Variants in DPP9 observed in about 807,000 individuals in gnomAD.
The protein encoded by DPP9 is dipeptidyl peptidase 9.
In DPP9, 50 loss-of-function variants were observed where a neutral mutation model predicts 110.7. The ratio of observed to expected loss-of-function variants is 0.45; its 90% CI spans 0.36 to 0.57. The LOEUF (loss-of-function observed/expected upper bound fraction) is 0.57. Among genes scored for constraint, DPP9 ranks in the 20% least tolerant of loss-of-function variants. The probability of loss-of-function intolerance (pLI) is 0.00; values close to 1 mark genes in which losing one functional copy is unlikely to be tolerated. For synonymous variants in DPP9, 561 were observed against 514.4 expected (o/e 1.09, Z -1.23); for missense variants, 1,022 against 1,217.9 (o/e 0.84, Z 2.39).
rs1227913063 is a variant in DPP9, at chr19:4,695,228, C to T, written c.1353+150G>A. 1.8e-5 allele frequency: 15 copies of T among 823,824 alleles called. No individual in the cohort carries two copies. Among genetic ancestry groups the T allele is most frequent in the Admixed American group, 6.4e-5 (2 of 31,338 alleles). 51.0% of individuals were successfully genotyped at this position (823,824 alleles called of 1,614,324 possible). A position where few individuals can be genotyped will look rare whatever the true frequency, so the allele number is the denominator to read the frequency against. On this transcript the variant is annotated intron_variant, in intron 12 of 21. Coordinates refer to ENST00000262960, the MANE Select transcript of DPP9 (RefSeq NM_139159.5). The surrounding 1 kb of genome is among the most constrained non-coding windows in gnomAD (Gnocchi z 4.7). ...CAACCCCCCTAGACCCTCTTCCCTG[C>T]CAGCCAGGGATGGCCAAGGCCTGAG... is the stretch of plus-strand genomic sequence containing the variant.
At chr19:4,716,906 G>A (rs1462242583) in intron 3 of DPP9, among the ~76,000 whole-genome samples, 7 of 152,160 alleles carry the variant, frequency 4.6e-5, no homozygotes, top group Non-Finnish European at 7.4e-5. Flanking sequence ...AGAACTGCCC[G>A]TGCCGTGCTC....
Position 4,714,067 on chromosome 19 carries a change from A to G in DPP9, c.313+14T>C. 3 of 1,601,750 alleles carry G rather than the reference A, an allele frequency of 1.9e-6. No individual in the cohort carries two copies. The highest frequency in any genetic ancestry group is 2.6e-6 in the Non-Finnish European group (3 of 1,173,060). ...TGCTGTCCCCGCCCAAGCAGCCTGC[A>G]GGGCCCGGCTTACCCAGGTAGTAGA... On this transcript the variant is annotated intron_variant, in intron 4 of 21. Transcript: ENST00000262960.
chr19:4,679,092 G>A (rs1159588741), intron 21 of DPP9, among the ~76,000 whole-genome samples: 3 of 120,110 alleles, frequency 2.5e-5, no homozygotes, highest in Non-Finnish European at 5.1e-5. Context: ...TACAGCAGAA[G>A]CCCCACCCTC....
intron 1 of DPP9, 52 bp from the exon 2 acceptor site, chr19:4,722,603 C>A (rs1227632433): frequency 2.9e-6 from 2 of 701,426 alleles, no homozygotes; most frequent in African/African-American, 3.5e-5. Context: ...AAGCACCGGC[C>A]AGCCGTTCAG....
rs538014483 is a variant in DPP9, at chr19:4,710,563, G to C, written c.313+3518C>G. 1.1e-4 allele frequency among the ~76,000 whole-genome samples: 17 copies of C among 152,354 alleles called. No homozygotes were observed. Among genetic ancestry groups the C allele is most frequent in the Non-Finnish European group, 2.2e-4 (15 of 68,040 alleles). ...GGCTTTATCATGTGGATCTGAAAGA[G>C]CCTTTCCGGAGGGGCCCAGTGATTA... On this transcript the variant is annotated intron_variant, in intron 4 of 21. Coordinates refer to ENST00000262960, the MANE Select transcript of DPP9 (RefSeq NM_139159.5). This position sits in a 1 kb window ranked among gnomAD's most constrained non-coding sequence, Gnocchi z 5.6.
rs1599899041 is a variant in DPP9, at chr19:4,695,032, T to C, written c.1354-209A>G. 1 of 613,352 alleles carries C rather than the reference T, an allele frequency of 1.6e-6. No homozygotes were observed. Among genetic ancestry groups the C allele is most frequent in the African/African-American group, 1.8e-5 (1 of 54,144 alleles). The allele number at this position is 613,352 out of a possible 1,614,324, so 38.0% of individuals were successfully genotyped here. A position where few individuals can be genotyped will look rare whatever the true frequency, so the allele number is the denominator to read the frequency against. ...CAGGCATGGTGGTGCAGGCTTGTGG[T>C]CCTAGCTACTCTGGAGGCTGAGGTG... On this transcript the variant is annotated intron_variant, in intron 12 of 21. Coordinates refer to ENST00000262960, the MANE Select transcript of DPP9 (RefSeq NM_139159.5). This position sits in a 1 kb window ranked among gnomAD's most constrained non-coding sequence, Gnocchi z 4.7.
At chr19:4,677,690 A>G (rs2089070830) in intron 21 of DPP9, among the ~76,000 whole-genome samples, 2 of 152,186 alleles carry the variant, frequency 1.3e-5, no homozygotes, top group Non-Finnish European at 2.9e-5. Context: ...CTCCTTCCCC[A>G]GCCCGGGCAG....
chr19:4,708,017 T>C (rs986222311), intron 4 of DPP9, among the ~76,000 whole-genome samples: 41 of 152,140 alleles, frequency 2.7e-4, no homozygotes, highest in African/African-American at 9.7e-4. Flanking sequence ...CATTTTTATT[T>C]CTTGTTACAG....
Position 4,707,257 on chromosome 19 carries a change from G to A in DPP9, c.314-1287C>T, listed in dbSNP as rs16992504. Among the ~76,000 whole-genome samples, 1,100 of 152,312 alleles carry A rather than the reference G, an allele frequency of 7.2e-3. 17 individuals carry two copies. The highest frequency in any genetic ancestry group is 0.025 in the African/African-American group (1,034 of 41,556). On this transcript the variant is annotated intron_variant, in intron 4 of 21. Coordinates refer to ENST00000262960, the MANE Select transcript of DPP9 (RefSeq NM_139159.5). ...GCTTGGGATGGGTCTTACTGCGGAAGGCGCAATCAGGTCCTTAGTGGCAAA... is the reference window on the plus strand; with the variant it reads ...GCTTGGGATGGGTCTTACTGCGGAAAGCGCAATCAGGTCCTTAGTGGCAAA...
At position 4,695,314 on chromosome 19, in the gene DPP9, G is replaced by T. The variant is rs45501898; in HGVS notation, c.1353+64C>A. Reference sequence around the variant, plus strand: ...ATTGGCGCTCAGCCTTCTAGGACGTGGGGGTGGGGACAGTGTGACTCCAGG... The same window carrying T: ...ATTGGCGCTCAGCCTTCTAGGACGTTGGGGTGGGGACAGTGTGACTCCAGG... On this transcript the variant is annotated intron_variant, in intron 12 of 21. Transcript: ENST00000262960. The surrounding 1 kb of genome is among the most constrained non-coding windows in gnomAD (Gnocchi z 4.7). 2.7e-3 allele frequency: 3,894 copies of T among 1,460,196 alleles called. 11 individuals carry two copies. The highest frequency in any genetic ancestry group is 3.2e-3 in the Non-Finnish European group (3,546 of 1,096,458). 90.5% of individuals were successfully genotyped at this position (1,460,196 alleles called of 1,614,324 possible). A position where few individuals can be genotyped will look rare whatever the true frequency, so the allele number is the denominator to read the frequency against.
At chr19:4,720,224 C>T (rs1342796486) in intron 2 of DPP9, among the ~76,000 whole-genome samples, 1 of 152,182 alleles carries the variant, frequency 6.6e-6, no homozygotes, top group East Asian at 1.9e-4. Flanking sequence ...GACATCACAC[C>T]AGGGCACCTG....
Position 4,685,012 on chromosome 19 carries a change from G to T in DPP9, c.2032-203C>A, listed in dbSNP as rs1430431585. On this transcript the variant is annotated intron_variant, in intron 17 of 21. Coordinates refer to ENST00000262960, the MANE Select transcript of DPP9 (RefSeq NM_139159.5). This position sits in a 1 kb window ranked among gnomAD's most constrained non-coding sequence, Gnocchi z 5.8. The stretch of plus-strand genomic sequence containing the variant: ...TACTCGGGACCCTGCTAGGGAGGGG[G>T]AAGGGCCACTGTCAGGCTCTTTCTC... 1.4e-6 allele frequency: 1 copy of T among 709,622 alleles called. No homozygotes were observed. The highest frequency in any genetic ancestry group is 2.3e-4 in the Middle Eastern group (1 of 4,366). The allele number at this position is 709,622 out of a possible 1,614,324, so 44.0% of individuals were successfully genotyped here.
chr19:4,706,638 A>G (rs1568325828), intron 4 of DPP9, among the ~76,000 whole-genome samples: 1 of 152,150 alleles, frequency 6.6e-6, no homozygotes, highest in Non-Finnish European at 1.5e-5. Flanking sequence ...CAACATGGTG[A>G]AACCCCATCT....
rs931399471 is a variant in DPP9, at chr19:4,710,255, G to C, written c.313+3826C>G. Among the ~76,000 whole-genome samples the C allele has an allele frequency of 6.6e-6, 1 of 152,210 alleles. No homozygotes were observed. Among genetic ancestry groups the C allele is most frequent in the Non-Finnish European group, 1.5e-5 (1 of 68,032 alleles). ...GGTGGGGGATCGTGATCCACACAGG[G>C]CTAGGGCTCTCCCCTGGATCTCAGC... On this transcript the variant is annotated intron_variant, in intron 4 of 21. Transcript: ENST00000262960. This position sits in a 1 kb window ranked among gnomAD's most constrained non-coding sequence, Gnocchi z 5.6.
Position 4,718,498 on chromosome 19 carries a change from C to T in DPP9, c.56+1353G>A, listed in dbSNP as rs573815667. On this transcript the variant is annotated intron_variant, in intron 3 of 21. Coordinates refer to ENST00000262960, the MANE Select transcript of DPP9 (RefSeq NM_139159.5). The surrounding 1 kb of genome is among the most constrained non-coding windows in gnomAD (Gnocchi z 4.3). ...TGCCTCAAGGTGGACTTTGGGCAGCCGGCCCAGGCCAGGCAAGTGCCCCTG... is the reference window on the plus strand; with the variant it reads ...TGCCTCAAGGTGGACTTTGGGCAGCTGGCCCAGGCCAGGCAAGTGCCCCTG... Among the ~76,000 whole-genome samples the T allele has an allele frequency of 3.0e-4, 46 of 152,294 alleles. No individual in the cohort carries two copies. Among genetic ancestry groups the T allele is most frequent in the African/African-American group, 1.1e-3 (46 of 41,572 alleles).
chr19:4,713,234 C>A (rs78353785), intron 4 of DPP9, among the ~76,000 whole-genome samples: 19 of 152,334 alleles, frequency 1.2e-4, no homozygotes, highest in African/African-American at 4.3e-4. Flanking sequence ...CCATGTGTCA[C>A]GCTGCTTTCA....
At position 4,714,290 on chromosome 19, in the gene DPP9, G is replaced by A. The variant is rs1163631116; in HGVS notation, c.104C>T (p.Thr35Ile). Residue 35 changes from threonine to isoleucine, a missense_variant, in exon 4 of 22, where the codon ACC (threonine) becomes ATC (isoleucine). Physicochemically the swap from Thr to Ile is moderately conservative, Grantham distance 89. This residue lies in a region of DPP9 where 810 missense variants were observed against 920.6 expected (regional missense o/e 0.88). Coordinates refer to ENST00000262960, the MANE Select transcript of DPP9 (RefSeq NM_139159.5). ...EGAERMATTG[T>I]PTADRGDAAA... ...TGCGTCGCCTCGGTCGGCCGTTGGG[G>A]TCCCGGTGGTGGCCATCCTCTCAGC... 4 of 1,545,098 alleles carry A rather than the reference G, an allele frequency of 2.6e-6. No homozygotes were observed. The African/African-American group carries it at 4.1e-5, about 16-fold the overall frequency.
intron 14 of DPP9, 91 bp downstream of exon 14, chr19:4,690,785 ATG>A (rs2091247350): frequency 4.3e-6 from 4 of 932,842 alleles, no homozygotes; most frequent in Non-Finnish European, 6.8e-6. Context: ...GTGTGAGTGT[ATG>A]TGTGTGTATG....
chr19:4,692,546 TAGG>T (rs1484348368), intron 13 of DPP9, among the ~76,000 whole-genome samples: 1 of 152,058 alleles, frequency 6.6e-6, no homozygotes, highest in Non-Finnish European at 1.5e-5. Flanking sequence ...AGCTGCTGTC[TAGG>T]AGATGCATGG....
Sources: allele counts gnomAD v4.1 joint callset (sites outside exome capture counted in the v4.1 genomes callset), GRCh38; gene constraint gnomAD v4.1.1; regional missense constraint gnomAD v4.1.1; non-coding constraint Gnocchi (gnomAD v3.1); transcripts MANE v1.5; gene names NCBI Gene and HGNC (gene_info 2026-07-23, HGNC 2026-07-21).